Variants in MAMLD1 observed in about 807,000 individuals in gnomAD.
The protein encoded by MAMLD1 is mastermind like domain containing 1, also known as mastermind-like domain-containing protein 1.
A neutral mutation model predicts 45.0 loss-of-function variants in MAMLD1; 14 were observed. The observed-to-expected ratio is 0.31, with a 90% CI of 0.21 to 0.49. The LOEUF (loss-of-function observed/expected upper bound fraction) is 0.49. Ranked by LOEUF, MAMLD1 falls within the 20% of genes least tolerant of loss-of-function variation. MAMLD1 has a pLI of 0.99. For missense variants in MAMLD1, 543 were observed against 603.6 expected (o/e 0.90, Z 1.05); for synonymous variants, 254 against 247.8 (o/e 1.02, Z -0.24).
chrX:150,394,319 A>C (rs1356219740), intron 1 of MAMLD1, among the ~76,000 whole-genome samples: 2 of 109,272 alleles, frequency 1.8e-5, no homozygotes, highest in East Asian at 5.7e-4. Context: ...TTCTTTTACC[A>C]GTAGCACACT....
chrX:150,507,134 C>G (rs1304483879), intron 6 of MAMLD1, among the ~76,000 whole-genome samples: 1 of 111,863 alleles, frequency 8.9e-6, no homozygotes, highest in African/African-American at 3.3e-5. Context: ...AGTTGCAGCC[C>G]TAGAAAATTT....
chrX:150,407,546 AC>A (rs1281012787), intron 1 of MAMLD1, among the ~76,000 whole-genome samples: 1 of 111,781 alleles, frequency 8.9e-6, no homozygotes, highest in African/African-American at 3.3e-5. Flanking sequence ...AAACACTGAA[AC>A]CTATTTGATT....
chrX:150,442,596 T>C (rs2035354394), intron 1 of MAMLD1, among the ~76,000 whole-genome samples: 1 of 111,859 alleles, frequency 8.9e-6, no homozygotes, highest in Non-Finnish European at 1.9e-5. Context: ...CTATTTATAA[T>C]GTAATTGTGT....
At position 150,455,770 on chromosome X, in the gene MAMLD1, T is replaced by G. The variant is rs782003160; in HGVS notation, c.97-7002T>G. On this transcript the variant is annotated intron_variant, in intron 2 of 7. Transcript: ENST00000370401. ...TTTGTTGTGCAGAAGGTTTTCTTCT[T>G]CTTCTTCTTCTTTTTTTTTTTTTTG... 2.2e-3 allele frequency among the ~76,000 whole-genome samples: 188 copies of G among 86,395 alleles called. 1 individual carries two copies. The highest frequency in any genetic ancestry group is 4.1e-3 in the Admixed American group (31 of 7,614). 75.0% of individuals were successfully genotyped at this position (86,395 alleles called of 115,157 possible). A position where few individuals can be genotyped will look rare whatever the true frequency, so the allele number is the denominator to read the frequency against.
At chrX:150,378,785 G>A (rs782133234) in intron 1 of MAMLD1, among the ~76,000 whole-genome samples, 68 of 110,918 alleles carry the variant, frequency 6.1e-4, no homozygotes, top group African/African-American at 1.9e-3. Flanking sequence ...GGTTTGTCCC[G>A]TGGGAACTCC....
At chrX:150,460,777 T>G (rs1165371584) in intron 2 of MAMLD1, among the ~76,000 whole-genome samples, 11 of 112,184 alleles carry the variant, frequency 9.8e-5, no homozygotes, top group African/African-American at 3.6e-4. Context: ...TTTCTAGCTC[T>G]CAGATTAGCA....
intron 5 of MAMLD1, among the ~76,000 whole-genome samples, chrX:150,492,878 C>T (rs1268944603): frequency 4.5e-5 from 5 of 111,693 alleles, no homozygotes; most frequent in Admixed American, 2.9e-4. Context: ...TCTCATTTCT[C>T]CTCAAGTTAC....
At chrX:150,476,828 G>A (rs782003550) in intron 5 of MAMLD1, among the ~76,000 whole-genome samples, 3 of 113,246 alleles carry the variant, frequency 2.6e-5, no homozygotes, top group Admixed American at 9.2e-5. Flanking sequence ...TTAGGCAGTC[G>A]TGAGCACCAG....
chrX:150,489,629 G>GCT (rs1557407843), intron 5 of MAMLD1, among the ~76,000 whole-genome samples: 1 of 107,887 alleles, frequency 9.3e-6, no homozygotes, highest in East Asian at 3.0e-4. Flanking sequence ...TTATACCACA[G>GCT]CTCTCTCTGT....
chrX:150,485,222 G>C, intron 5 of MAMLD1, among the ~76,000 whole-genome samples: 1 of 111,494 alleles, frequency 9.0e-6, no homozygotes, highest in East Asian at 2.8e-4. Context: ...ATTTCCCCCA[G>C]AGAAGAGGTT....
chrX:150,501,484 T>C lies in MAMLD1; in HGVS notation c.2041-1790T>C, dbSNP rs372136908. Among the ~76,000 whole-genome samples the C allele has an allele frequency of 7.1e-5, 8 of 112,406 alleles. No homozygotes were observed. The East Asian group carries it at 1.9e-3, about 27-fold the overall frequency. On this transcript the variant is annotated intron_variant, in intron 5 of 7. Transcript: ENST00000370401. ...CAGATGGCCGGTGAGCTCAGCTCTGTACTCACTAACCACCCCATGGGAGGG... is the reference window on the plus strand; with the variant it reads ...CAGATGGCCGGTGAGCTCAGCTCTGCACTCACTAACCACCCCATGGGAGGG...
At chrX:150,377,349 CTTA>C (rs2032370087) in intron 1 of MAMLD1, among the ~76,000 whole-genome samples, 1 of 113,271 alleles carries the variant, frequency 8.8e-6, no homozygotes, top group African/African-American at 3.2e-5. Context: ...GAATTTTCCT[CTTA>C]TTATGTTAGA....
At chrX:150,387,730 T>A (rs1384925413) in intron 1 of MAMLD1, among the ~76,000 whole-genome samples, 1 of 111,976 alleles carries the variant, frequency 8.9e-6, no homozygotes, top group Admixed American at 9.5e-5. Context: ...TGAGATTTTT[T>A]TTATTATTAT....
chrX:150,431,666 T>C (rs1261180613), intron 1 of MAMLD1, among the ~76,000 whole-genome samples: 1 of 111,148 alleles, frequency 9.0e-6, no homozygotes, highest in East Asian at 2.8e-4. Context: ...GAACATGCAG[T>C]TTGTGGACTT....
chrX:150,487,661 C>A (rs2037038443), intron 5 of MAMLD1, among the ~76,000 whole-genome samples: 1 of 112,043 alleles, frequency 8.9e-6, no homozygotes, highest in South Asian at 3.7e-4. Context: ...CAGGGCCCCT[C>A]ACCTGGCCAA....
chrX:150,401,260 T>C, intron 1 of MAMLD1, among the ~76,000 whole-genome samples: 1 of 108,125 alleles, frequency 9.2e-6, no homozygotes, highest in Non-Finnish European at 1.9e-5. Flanking sequence ...ATCACAAGCA[T>C]TCTTATACAC....
chrX:150,379,990 A>T (rs927499281), intron 1 of MAMLD1, among the ~76,000 whole-genome samples: 1 of 112,595 alleles, frequency 8.9e-6, no homozygotes, highest in African/African-American at 3.2e-5. Flanking sequence ...CAAACAACCC[A>T]GTACATATGT....
chrX:150,414,343 T>C (rs1329943943), intron 1 of MAMLD1, among the ~76,000 whole-genome samples: 2 of 112,027 alleles, frequency 1.8e-5, no homozygotes, highest in African/African-American at 6.5e-5. Flanking sequence ...GCAAGTGTTT[T>C]TGAACCTCAG....
At chrX:150,467,635 C>T (rs1376143583) in intron 3 of MAMLD1, among the ~76,000 whole-genome samples, 1 of 112,789 alleles carries the variant, frequency 8.9e-6, no homozygotes, top group Non-Finnish European at 1.9e-5. Context: ...CAAGTCCTCT[C>T]ACTCAAGTTG....
Sources: allele counts gnomAD v4.1 joint callset (sites outside exome capture counted in the v4.1 genomes callset), GRCh38; gene constraint gnomAD v4.1.1; transcripts MANE v1.5; gene names NCBI Gene and HGNC (gene_info 2026-07-23, HGNC 2026-07-21).